The following PRKCE variants were observed in gnomAD, a reference collection of about 807,000 sequenced individuals.
The protein encoded by PRKCE is protein kinase C epsilon.
A neutral mutation model predicts 85.4 loss-of-function variants in PRKCE; 16 were observed. That is an observed-to-expected ratio of 0.19 (90% CI 0.13 to 0.28). The LOEUF is 0.28. Ranked by LOEUF, PRKCE falls within the 10% of genes least tolerant of loss-of-function variation. The pLI is 1.00. For missense variants in PRKCE, 573 were observed against 975.2 expected (o/e 0.59, Z 5.49); for synonymous variants, 388 against 371.5 (o/e 1.04, Z -0.51).
At chr2:46,010,973 T>A in intron 10 of PRKCE, 1 of 1,384,316 alleles carries the variant, frequency 7.2e-7, no homozygotes, top group Non-Finnish European at 9.3e-7. Flanking sequence ...GCTTAAAATT[T>A]CATAGTGAAA....
rs1188502790 is a variant in PRKCE, at chr2:46,159,192, C to A, written c.1921-414C>A. ...CCTCCATGTAAATGAGTTTATCAGA[C>A]CTCAGTCTCCCTGATGAGAAGACCT... On this transcript the variant is annotated intron_variant, in intron 13 of 14. Transcript: ENST00000306156. This position sits in a 1 kb window ranked among gnomAD's most constrained non-coding sequence, Gnocchi z 4.1. 1.3e-5 allele frequency among the ~76,000 whole-genome samples: 2 copies of A among 152,180 alleles called. No individual in the cohort carries two copies. Among genetic ancestry groups the A allele is most frequent in the Non-Finnish European group, 2.9e-5 (2 of 68,038 alleles).
At chr2:45,974,243 T>A in intron 2 of PRKCE, among the ~76,000 whole-genome samples, 1 of 152,258 alleles carries the variant, frequency 6.6e-6, no homozygotes, top group East Asian at 1.9e-4. Context: ...GTGATTGCCA[T>A]ACTTCTGCAG....
At chr2:45,729,405 C>T (rs546235007) in intron 1 of PRKCE, among the ~76,000 whole-genome samples, 11 of 152,156 alleles carry the variant, frequency 7.2e-5, no homozygotes, top group Non-Finnish European at 8.8e-5. Context: ...GATCCTAATA[C>T]GCTTATGAGA....
At chr2:45,800,275 G>A (rs1317307625) in intron 1 of PRKCE, among the ~76,000 whole-genome samples, 2 of 152,248 alleles carry the variant, frequency 1.3e-5, no homozygotes, top group East Asian at 3.8e-4. Context: ...AGAAAGGACT[G>A]AACGGGAAAG....
In PRKCE at chr2:45,839,771, C is replaced by A. The variant is rs140100445; in HGVS notation, c.349-3229C>A. ...ACCCCTCCAGTCGTTGAAGACCCAC[C>A]ACCTTGGATGGATTCTCAGAGCTTC... On this transcript the variant is annotated intron_variant, in intron 1 of 14. Transcript: ENST00000306156. 7.1e-3 allele frequency among the ~76,000 whole-genome samples: 1,081 copies of A among 152,310 alleles called. 13 individuals carry two copies. Among genetic ancestry groups the A allele is most frequent in the African/African-American group, 0.025 (1,045 of 41,560 alleles).
intron 2 of PRKCE, among the ~76,000 whole-genome samples, chr2:45,954,290 T>C (rs1392834358): frequency 6.6e-6 from 1 of 152,238 alleles, no homozygotes; most frequent in African/African-American, 2.4e-5. Flanking sequence ...TCACTAAATA[T>C]TGGAGTCAAA....
intron 2 of PRKCE, among the ~76,000 whole-genome samples, chr2:45,969,274 T>G (rs1027631887): frequency 6.6e-6 from 1 of 152,088 alleles, no homozygotes; most frequent in African/African-American, 2.4e-5. Context: ...TATCCAGCTT[T>G]GTCTTGGCCT....
At position 45,980,378 on chromosome 2, in the gene PRKCE, C is replaced by T; in HGVS notation, c.690C>T (p.Asp230=). The change falls in exon 5 of 15, where the codon GAC becomes GAT. Residue 230 remains aspartate, a synonymous_variant. Transcript: ENST00000306156. ...CAGLKKQETP[D]QVGSQRFSVN... ...GGTTAAAGAAGCAGGAGACCCCCGA[C>T]CAGGTAAGTGTTGGTGACACGGAAA... 1 of 1,599,666 alleles carries T rather than the reference C, an allele frequency of 6.3e-7. No homozygotes were observed. The highest frequency in any genetic ancestry group is 1.3e-5 in the African/African-American group (1 of 75,050).
chr2:45,870,813 C>T (rs900816943), intron 2 of PRKCE, among the ~76,000 whole-genome samples: 1 of 152,192 alleles, frequency 6.6e-6, no homozygotes, highest in African/African-American at 2.4e-5. Flanking sequence ...CTCTCTCCTT[C>T]GCTTGTAGTG....
intron 11 of PRKCE, among the ~76,000 whole-genome samples, chr2:46,140,547 CAT>C (rs1675414504): frequency 6.6e-6 from 1 of 152,142 alleles, no homozygotes; most frequent in Non-Finnish European, 1.5e-5. Context: ...CAGAGACTTA[CAT>C]TTACCAAATG....
intron 1 of PRKCE, among the ~76,000 whole-genome samples, chr2:45,737,603 A>G (rs1268563004): frequency 4.0e-5 from 6 of 151,660 alleles, no homozygotes; most frequent in Admixed American, 3.9e-4. Context: ...TGATGTGTAG[A>G]TGTTCCCCAA....
At chr2:45,912,825 T>G (rs914831017) in intron 2 of PRKCE, among the ~76,000 whole-genome samples, 20 of 152,066 alleles carry the variant, frequency 1.3e-4, no homozygotes, top group African/African-American at 4.8e-4. Context: ...TGGGGCCACA[T>G]GTACATTTGC....
intron 3 of PRKCE, among the ~76,000 whole-genome samples, chr2:45,977,789 C>G (rs1206416091): frequency 6.6e-6 from 1 of 152,164 alleles, no homozygotes; most frequent in Non-Finnish European, 1.5e-5. Flanking sequence ...TATGATTCTA[C>G]CCCTAGTAGT....
intron 1 of PRKCE, chr2:45,770,586 C>T (rs1202335374): frequency 6.6e-6 from 1 of 152,188 alleles, no homozygotes. Context: ...GGTACCGCCC[C>T]CCACAACCAC....
chr2:45,772,801 G>C (rs891648596), intron 1 of PRKCE, among the ~76,000 whole-genome samples: 2 of 152,126 alleles, frequency 1.3e-5, no homozygotes, highest in African/African-American at 4.8e-5. Flanking sequence ...AGGAGCAGGG[G>C]CTGAAGAGGA....
intron 12 of PRKCE, among the ~76,000 whole-genome samples, chr2:46,150,824 G>A (rs1401468707): frequency 1.3e-5 from 2 of 152,194 alleles, no homozygotes; most frequent in Non-Finnish European, 2.9e-5. Flanking sequence ...AAGACAGACT[G>A]TCGATGTTGA....
chr2:45,903,251 A>G (rs766768027), intron 2 of PRKCE, among the ~76,000 whole-genome samples: 2 of 152,252 alleles, frequency 1.3e-5, no homozygotes, highest in Non-Finnish European at 2.9e-5. Context: ...AAATACCCTC[A>G]GGCCATCTTG....
intron 11 of PRKCE, among the ~76,000 whole-genome samples, chr2:46,120,330 G>T (rs1215600058): frequency 4.6e-5 from 7 of 152,306 alleles, no homozygotes; most frequent in African/African-American, 1.7e-4. Context: ...CTTGGGGATG[G>T]GGGCCAGGAG....
At chr2:45,764,224 A>C (rs1302131417) in intron 1 of PRKCE, among the ~76,000 whole-genome samples, 1 of 152,184 alleles carries the variant, frequency 6.6e-6, no homozygotes, top group Non-Finnish European at 1.5e-5. Flanking sequence ...AGCAAAGCCC[A>C]CCTGTACGAA....
Sources: allele counts gnomAD v4.1 joint callset (sites outside exome capture counted in the v4.1 genomes callset), GRCh38; gene constraint gnomAD v4.1.1; non-coding constraint Gnocchi (gnomAD v3.1); transcripts MANE v1.5; gene names NCBI Gene and HGNC (gene_info 2026-07-23, HGNC 2026-07-21).